RIPOR2: variants seen among roughly 807,000 people sequenced by gnomAD.
The protein encoded by RIPOR2 is RHO family interacting cell polarization regulator 2.
Under a neutral mutation model 114.5 loss-of-function variants are expected in RIPOR2, and 39 were observed. The ratio of observed to expected loss-of-function variants is 0.34; its 90% CI spans 0.26 to 0.44. RIPOR2 has a LOEUF of 0.44. Among genes scored for constraint, RIPOR2 ranks in the 20% least tolerant of loss-of-function variants. The pLI is 1.00. For synonymous variants in RIPOR2, 445 were observed against 484.4 expected, an observed-to-expected ratio of 0.92 and a Z score of 1.07; for missense variants, 1,007 against 1,255.1, an observed-to-expected ratio of 0.80 and a Z score of 2.99.
At chr6:24,945,590 G>A (rs1221896793) in intron 1 of RIPOR2, among the ~76,000 whole-genome samples, 1 of 152,138 alleles carries the variant, frequency 6.6e-6, no homozygotes, top group Non-Finnish European at 1.5e-5. Context: ...TAATTTGTAT[G>A]ACAATAACAG....
At chr6:24,976,526 A>G (rs949279120) in intron 1 of RIPOR2, 44 of 1,588,910 alleles carry the variant, frequency 2.8e-5, no homozygotes, top group Non-Finnish European at 3.6e-5. Flanking sequence ...TGCTCATCTA[A>G]TCCATAAAGC....
At chr6:25,041,743 G>C in intron 1 of RIPOR2, 1 of 624,872 alleles carries the variant, frequency 1.6e-6, no homozygotes, top group Non-Finnish European at 2.9e-6. Flanking sequence ...AAGAGAGGAG[G>C]AAGGGGGAAA....
At position 24,902,137 on chromosome 6, in the gene RIPOR2, G is replaced by A. The variant is rs1465842208; in HGVS notation, c.62-26320C>T. On this transcript the variant is annotated intron_variant, in intron 1 of 21. Coordinates refer to ENST00000643898, the MANE Select transcript of RIPOR2 (RefSeq NM_001286445.3). The stretch of plus-strand genomic sequence containing the variant: ...AACTGGCTGGAGGAAGTAAGGGATC[G>A]CCAGTTGTGGCAGAATGTACTGCAG... Among the ~76,000 whole-genome samples, 5 of 152,252 alleles carry A rather than the reference G, an allele frequency of 3.3e-5. No homozygotes were observed. The South Asian group carries it at 8.3e-4, about 25-fold the overall frequency.
At chr6:24,850,869 A>C in intron 9 of RIPOR2, 147 bp from the exon 10 acceptor site, 4 of 915,556 alleles carry the variant, frequency 4.4e-6, no homozygotes, top group Non-Finnish European at 6.7e-6. Flanking sequence ...CTTGGGTGTG[A>C]ATGGAGCTGG....
intron 1 of RIPOR2, among the ~76,000 whole-genome samples, chr6:24,950,421 C>T (rs1383172353): frequency 6.6e-6 from 1 of 152,140 alleles, no homozygotes; most frequent in Non-Finnish European, 1.5e-5. Flanking sequence ...CACTCTTGCA[C>T]AATCCTGTAA....
chr6:24,821,006 G>A (rs1759649201), intron 19 of RIPOR2, among the ~76,000 whole-genome samples: 1 of 150,878 alleles, frequency 6.6e-6, no homozygotes, highest in East Asian at 1.9e-4. Context: ...CTGAGTAGCT[G>A]GGATTATAGG....
intron 1 of RIPOR2, among the ~76,000 whole-genome samples, chr6:24,961,653 A>T (rs7765763): frequency 0.074 from 10,935 of 147,876 alleles, 856 homozygotes; most frequent in Middle Eastern, 0.2. Context: ...TTTTTGAGAC[A>T]GTCTCGCTCT....
intron 1 of RIPOR2, among the ~76,000 whole-genome samples, chr6:24,970,309 A>G (rs966823021): frequency 6.6e-6 from 1 of 152,154 alleles, no homozygotes; most frequent in Non-Finnish European, 1.5e-5. Context: ...ATACCACCCA[A>G]TGATAATTTT....
intron 1 of RIPOR2, among the ~76,000 whole-genome samples, chr6:24,951,271 T>G (rs1258563664): frequency 6.6e-6 from 1 of 152,094 alleles, no homozygotes; most frequent in Non-Finnish European, 1.5e-5. Context: ...CTGATTATGG[T>G]TTTTATGCTC....
rs552675380 is a variant in RIPOR2 at position 24,880,332 on chromosome 6, T to TC, written c.62-4516dup. ...AAAACAACATGGCCACATGGAAAGA[T>TC]CCCCAGGATAAACTACAGAATGAAA... On this transcript the variant is annotated intron_variant, in intron 1 of 21. Coordinates refer to ENST00000643898, the MANE Select transcript of RIPOR2 (RefSeq NM_001286445.3). Among the ~76,000 whole-genome samples the TC allele has an allele frequency of 3.9e-4, 59 of 151,980 alleles. No individual in the cohort carries two copies. In the South Asian group the frequency reaches 5.8e-3, roughly 15 times the overall value.
chr6:24,877,882 A>T (rs904818156), intron 1 of RIPOR2, among the ~76,000 whole-genome samples: 25 of 152,244 alleles, frequency 1.6e-4, no homozygotes, highest in Middle Eastern at 3.4e-3. Flanking sequence ...GGTATGAGCC[A>T]CAGTGGTGGG....
intron 1 of RIPOR2, among the ~76,000 whole-genome samples, chr6:24,984,232 G>C (rs1031240826): frequency 6.6e-6 from 1 of 152,218 alleles, no homozygotes; most frequent in African/African-American, 2.4e-5. Flanking sequence ...GAGCAACAAG[G>C]CTGTTTATTT....
chr6:24,924,469 T>C (rs1430983922), intron 1 of RIPOR2, among the ~76,000 whole-genome samples: 2 of 152,180 alleles, frequency 1.3e-5, no homozygotes, highest in African/African-American at 4.8e-5. Flanking sequence ...TCACCTGATT[T>C]ACTGTTGGGC....
chr6:24,933,768 G>A (rs1771566569), intron 1 of RIPOR2, among the ~76,000 whole-genome samples: 1 of 152,154 alleles, frequency 6.6e-6, no homozygotes, highest in Non-Finnish European at 1.5e-5. Context: ...ACCAGAATCT[G>A]AGTCTGAATC....
intron 1 of RIPOR2, among the ~76,000 whole-genome samples, chr6:25,019,112 A>G (rs1396380893): frequency 6.6e-6 from 1 of 152,220 alleles, no homozygotes; most frequent in Non-Finnish European, 1.5e-5. Context: ...TTCAAAGGTG[A>G]GCAGTGATGT....
Position 24,804,710 on chromosome 6 carries a change from T to C in RIPOR2, c.*1663A>G, listed in dbSNP as rs748459938. ...ACTTTGAAATGAAATGAGTCCTTTT[T>C]AAAAGTCTTGCTAAAATGTAAATAT... On this transcript the variant is annotated 3_prime_UTR_variant, in exon 22 of 22. Coordinates refer to ENST00000643898, the MANE Select transcript of RIPOR2 (RefSeq NM_001286445.3). The C allele has an allele frequency of 3.3e-5, 5 of 152,220 alleles. No homozygotes were observed. Among genetic ancestry groups the C allele is most frequent in the African/African-American group, 4.8e-5 (2 of 41,458 alleles). The allele number at this position is 152,220 out of a possible 1,614,324, so 9.4% of individuals were successfully genotyped here.
At chr6:24,875,604 G>C (rs1270207001) in intron 2 of RIPOR2, 87 bp downstream of exon 2, 8 of 1,345,656 alleles carry the variant, frequency 5.9e-6, no homozygotes, top group African/African-American at 1.5e-5. Context: ...GGTTTGACAA[G>C]GCTGAATGCA....
Position 24,894,254 on chromosome 6 carries a change from T to C in RIPOR2, c.62-18437A>G, listed in dbSNP as rs113231441. On this transcript the variant is annotated intron_variant, in intron 1 of 21. Coordinates refer to ENST00000643898, the MANE Select transcript of RIPOR2 (RefSeq NM_001286445.3). Reference sequence around the variant, plus strand: ...TTTCCAAATGCTTTGGCACCTACTCTACATGCTAACAGCAACCTGTGAGTT... The same window carrying C: ...TTTCCAAATGCTTTGGCACCTACTCCACATGCTAACAGCAACCTGTGAGTT... Among the ~76,000 whole-genome samples the C allele has an allele frequency of 1.6e-3, 244 of 152,362 alleles. 1 individual carries two copies. Among genetic ancestry groups the C allele is most frequent in the African/African-American group, 5.6e-3 (233 of 41,588 alleles).
chr6:24,996,765 A>G (rs1254221967), intron 1 of RIPOR2, among the ~76,000 whole-genome samples: 1 of 152,206 alleles, frequency 6.6e-6, no homozygotes, highest in Non-Finnish European at 1.5e-5. Context: ...TGCGTGACTC[A>G]GGCACTTTAT....
Sources: allele counts gnomAD v4.1 joint callset (sites outside exome capture counted in the v4.1 genomes callset), GRCh38; gene constraint gnomAD v4.1.1; transcripts MANE v1.5; gene names NCBI Gene and HGNC (gene_info 2026-07-23, HGNC 2026-07-21).